The following CDK8 variants were observed in gnomAD, a reference collection of about 807,000 sequenced individuals.
CDK8 encodes the protein cyclin-dependent kinase 8.
CDK8 carries 29 observed loss-of-function variants against 71.5 expected under a neutral mutation model. The observed-to-expected ratio is 0.41, with a 90% CI of 0.30 to 0.55. The LOEUF (loss-of-function observed/expected upper bound fraction) is 0.55. Ranked by LOEUF, CDK8 falls within the 20% of genes least tolerant of loss-of-function variation. The probability of loss-of-function intolerance (pLI) is 0.37; values close to 1 mark genes in which losing one functional copy is unlikely to be tolerated. For missense variants in CDK8, 288 were observed against 572.6 expected, an observed-to-expected ratio of 0.50 and a Z score of 5.07; for synonymous variants, 161 against 192.1, an observed-to-expected ratio of 0.84 and a Z score of 1.34.
rs150483286 is a variant in CDK8 at position 26,301,984 on chromosome 13, T to G, written c.129-35583T>G. On this transcript the variant is annotated intron_variant, in intron 1 of 12. Transcript: ENST00000381527. The stretch of plus-strand genomic sequence containing the variant: ...GCATATTACATTCTCTATTTCTGAC[T>G]TAAAATGGTTCACAGAAAGTGAGGC... Among the ~76,000 whole-genome samples, 24 of 152,344 alleles carry G rather than the reference T, an allele frequency of 1.6e-4. No individual in the cohort carries two copies. In the East Asian group the frequency reaches 4.6e-3, roughly 29 times the overall value.
intron 1 of CDK8, among the ~76,000 whole-genome samples, chr13:26,304,084 T>A (rs940942240): frequency 1.3e-5 from 2 of 151,918 alleles, no homozygotes; most frequent in African/African-American, 2.4e-5. Flanking sequence ...GCCACGATGG[T>A]GAAACCCCAT....
chr13:26,381,603 T>C (rs893033790), intron 4 of CDK8, among the ~76,000 whole-genome samples: 2 of 152,260 alleles, frequency 1.3e-5, no homozygotes, highest in East Asian at 1.9e-4. Flanking sequence ...CCCCAGACTA[T>C]TCAAAGACAG....
intron 1 of CDK8, among the ~76,000 whole-genome samples, chr13:26,274,797 T>A (rs1424892828): frequency 2.0e-5 from 3 of 152,148 alleles, no homozygotes; most frequent in African/African-American, 7.2e-5. Flanking sequence ...TTTTTATTCA[T>A]GTTGTAAGAA....
At chr13:26,361,017 C>G (rs373886584) in intron 4 of CDK8, among the ~76,000 whole-genome samples, 20 of 152,256 alleles carry the variant, frequency 1.3e-4, no homozygotes, top group African/African-American at 4.8e-4. Flanking sequence ...TCTTCTTATA[C>G]GCAATATTTT....
At chr13:26,387,092 C>T (rs942910548) in intron 6 of CDK8, among the ~76,000 whole-genome samples, 2 of 152,008 alleles carry the variant, frequency 1.3e-5, no homozygotes, top group African/African-American at 2.4e-5. Context: ...GTTTTTCTGC[C>T]TTTGTCATAT....
intron 1 of CDK8, among the ~76,000 whole-genome samples, chr13:26,255,061 T>C (rs1271399796): frequency 6.6e-6 from 1 of 152,064 alleles, no homozygotes; most frequent in Non-Finnish European, 1.5e-5. Context: ...ATGAAAAAAT[T>C]CGTTCTAAAA....
Position 26,401,344 on chromosome 13 carries a change from C to T in CDK8, c.1107C>T (p.Asp369=), listed in dbSNP as rs1876248041. 6.2e-7 allele frequency: 1 copy of T among 1,613,646 alleles called. No individual in the cohort carries two copies. Among genetic ancestry groups the T allele is most frequent in the African/African-American group, 1.3e-5 (1 of 74,916 alleles). The change falls in exon 11 of 13, where the codon GAC becomes GAT. Residue 369 remains aspartate (D), a synonymous_variant. Transcript: ENST00000381527. This position sits in a 1 kb window ranked among gnomAD's most constrained non-coding sequence, Gnocchi z 4.5. ...LTEEEPDDKG[D]KKNQQQQQGN... ...AAGAAGAACCTGATGACAAAGGAGA[C>T]AAAGTAAGTATTAAAGTACTGTTAG...
At chr13:26,379,778 A>G (rs1261327612) in intron 4 of CDK8, among the ~76,000 whole-genome samples, 2 of 152,206 alleles carry the variant, frequency 1.3e-5, no homozygotes, top group African/African-American at 4.8e-5. Context: ...TAACTAATCA[A>G]CTTGTACCTC....
At chr13:26,303,239 C>T (rs1873899689) in intron 1 of CDK8, among the ~76,000 whole-genome samples, 1 of 151,412 alleles carries the variant, frequency 6.6e-6, no homozygotes, top group South Asian at 2.1e-4. Context: ...ATCATTTTTT[C>T]CACATTTTTT....
chr13:26,312,496 C>G (rs1406120401), intron 1 of CDK8, among the ~76,000 whole-genome samples: 1 of 152,024 alleles, frequency 6.6e-6, no homozygotes, highest in African/African-American at 2.4e-5. Context: ...GATGCACCAC[C>G]TTTAAGAGCT....
Position 26,401,648 on chromosome 13 carries a change from G to A in CDK8, c.1269+24G>A. On this transcript the variant is annotated intron_variant, in intron 12 of 12. Coordinates refer to ENST00000381527, the MANE Select transcript of CDK8 (RefSeq NM_001260.3). This position sits in a 1 kb window ranked among gnomAD's most constrained non-coding sequence, Gnocchi z 4.5. ...AGGTATTCCAAGTTTATTTTGTATT[G>A]ACTGCATGTCAGTGTTTACATATGG... 6.2e-7 allele frequency: 1 copy of A among 1,611,382 alleles called. No individual in the cohort carries two copies. Among genetic ancestry groups the A allele is most frequent in the Non-Finnish European group, 8.5e-7 (1 of 1,177,662 alleles).
At chr13:26,345,090 G>A (rs1319080112) in intron 2 of CDK8, among the ~76,000 whole-genome samples, 1 of 152,190 alleles carries the variant, frequency 6.6e-6, no homozygotes, top group Non-Finnish European at 1.5e-5. Flanking sequence ...TGAAGGTTGT[G>A]TGTCACTAGG....
intron 1 of CDK8, among the ~76,000 whole-genome samples, chr13:26,328,380 A>G (rs117247360): frequency 6.6e-4 from 100 of 152,318 alleles, no homozygotes; most frequent in East Asian, 5.8e-3. Context: ...CTGCTTTACA[A>G]TCTGGTGCAA....
In CDK8 at chr13:26,282,031, A is replaced by T. The variant is rs189291485; in HGVS notation, c.128+27262A>T. Among the ~76,000 whole-genome samples, 707 of 150,434 alleles carry T rather than the reference A, an allele frequency of 4.7e-3. 8 individuals are homozygous for T. The highest frequency in any genetic ancestry group is 0.017 in the African/African-American group (681 of 41,194). On this transcript the variant is annotated intron_variant, in intron 1 of 12. Coordinates refer to ENST00000381527, the MANE Select transcript of CDK8 (RefSeq NM_001260.3). The stretch of plus-strand genomic sequence containing the variant: ...CAGACAAAGACAGAGCAAAAAGAAT[A>T]AAAAAAAAGAACAAAGCCTCCACAA...
Position 26,337,659 on chromosome 13 carries a change from T to A in CDK8, c.204+17T>A, listed in dbSNP as rs761630357. The stretch of plus-strand genomic sequence containing the variant: ...GAAATAGCAGTAAGTGAAGTTCTTT[T>A]TATCATCGTTATTATCAACTGACTT... On this transcript the variant is annotated intron_variant, in intron 2 of 12. Transcript: ENST00000381527. 2 of 1,239,014 alleles carry A rather than the reference T, an allele frequency of 1.6e-6. No individual in the cohort carries two copies. The highest frequency in any genetic ancestry group is 5.3e-5 in the East Asian group (2 of 37,992). 76.8% of individuals were successfully genotyped at this position (1,239,014 alleles called of 1,614,324 possible).
intron 1 of CDK8, among the ~76,000 whole-genome samples, chr13:26,272,380 C>T (rs137955640): frequency 6.6e-6 from 1 of 152,066 alleles, no homozygotes; most frequent in Non-Finnish European, 1.5e-5. Context: ...TAGGCCTACA[C>T]AGGGTCAGGA....
At chr13:26,353,657 C>T in intron 3 of CDK8, 83 bp from the exon 4 acceptor site, 1 of 1,142,512 alleles carries the variant, frequency 8.8e-7, no homozygotes, top group South Asian at 1.5e-5. Flanking sequence ...CTGAGTGTTT[C>T]TTTTTCTGTT....
chr13:26,323,924 G>A (rs563297497), intron 1 of CDK8, among the ~76,000 whole-genome samples: 1 of 152,214 alleles, frequency 6.6e-6, no homozygotes, highest in African/African-American at 2.4e-5. Flanking sequence ...GGCATTGGCT[G>A]TCATAGGAAA....
chr13:26,342,060 A>G (rs1873265349), intron 2 of CDK8, among the ~76,000 whole-genome samples: 1 of 152,140 alleles, frequency 6.6e-6, no homozygotes, highest in African/African-American at 2.4e-5. Flanking sequence ...AGCTGGGACT[A>G]CAGGCACATG....
Sources: allele counts gnomAD v4.1 joint callset (sites outside exome capture counted in the v4.1 genomes callset), GRCh38; gene constraint gnomAD v4.1.1; non-coding constraint Gnocchi (gnomAD v3.1); transcripts MANE v1.5; gene names NCBI Gene and HGNC (gene_info 2026-07-23, HGNC 2026-07-21).